The following PDE8B variants were observed in gnomAD, a reference collection of about 807,000 sequenced individuals.
PDE8B encodes phosphodiesterase 8B, also known as high affinity cAMP-specific and IBMX-insensitive 3',5'-cyclic phosphodiesterase 8B.
PDE8B carries 26 observed loss-of-function variants against 101.3 expected under a neutral mutation model. The observed-to-expected ratio is 0.26, with a 90% CI of 0.19 to 0.36. The LOEUF is 0.36. PDE8B is among the 10% of genes least tolerant of loss of function. The pLI, the probability that PDE8B is intolerant of heterozygous loss-of-function variation, is 1.00. For missense variants in PDE8B, 810 were observed against 1,163.1 expected, an observed-to-expected ratio of 0.70 and a Z score of 4.42; for synonymous variants, 424 against 429.3, an observed-to-expected ratio of 0.99 and a Z score of 0.15.
chr5:77,422,623 A>G (rs1796910649), intron 20 of PDE8B, among the ~76,000 whole-genome samples: 1 of 152,228 alleles, frequency 6.6e-6, no homozygotes, highest in South Asian at 2.1e-4. Context: ...TAATTGTAGC[A>G]GTGTAGAGAG....
At chr5:77,333,200 T>C (rs1777493798) in intron 5 of PDE8B, among the ~76,000 whole-genome samples, 1 of 152,206 alleles carries the variant, frequency 6.6e-6, no homozygotes, top group Non-Finnish European at 1.5e-5. Flanking sequence ...CTGTTATCTC[T>C]TCTCACAAAG....
At chr5:77,171,638 G>A in the PDE8B span, among the ~76,000 whole-genome samples, 7 of 152,274 alleles carry the variant, frequency 4.6e-5, no homozygotes, top group East Asian at 1.4e-3. Flanking sequence ...GTCCCTTCAG[G>A]AAACAGGTGA....
At chr5:77,325,802 CTTTAG>C (rs1378621967) in intron 3 of PDE8B, 73 bp downstream of exon 3, 1 of 1,027,304 alleles carries the variant, frequency 9.7e-7, no homozygotes, top group African/African-American at 1.6e-5. Context: ...TTATAGATAT[CTTTAG>C]TTTATTTCAA....
At chr5:77,091,585 G>A in the PDE8B span, among the ~76,000 whole-genome samples, 1 of 152,136 alleles carries the variant, frequency 6.6e-6, no homozygotes, top group African/African-American at 2.4e-5. Flanking sequence ...AGGTTGCAGC[G>A]AGCCGAGATC....
intron 10 of PDE8B, among the ~76,000 whole-genome samples, chr5:77,375,335 G>A (rs769888307): frequency 2.6e-5 from 4 of 152,180 alleles, no homozygotes; most frequent in Non-Finnish European, 5.9e-5. Context: ...CCCAGGCAGG[G>A]AGGGTCAGGT....
At chr5:77,311,137 C>T (rs36011566) in intron 1 of PDE8B, among the ~76,000 whole-genome samples, 37,330 of 151,830 alleles carry the variant, frequency 0.25, 5,161 homozygotes, top group East Asian at 0.44. Context: ...GACAAATGAC[C>T]ACAGTCTCTT....
chr5:77,292,638 G>A (rs916570088), intron 1 of PDE8B, among the ~76,000 whole-genome samples: 1 of 152,150 alleles, frequency 6.6e-6, no homozygotes, highest in African/African-American at 2.4e-5. Flanking sequence ...GAGCATTGCT[G>A]CCTGGTTTTA....
intron 1 of PDE8B, among the ~76,000 whole-genome samples, chr5:77,304,830 A>G (rs555650280): frequency 5.9e-5 from 9 of 152,342 alleles, no homozygotes; most frequent in African/African-American, 2.2e-4. Context: ...CCAAATATAA[A>G]AGACTTTATC....
intron 10 of PDE8B, among the ~76,000 whole-genome samples, chr5:77,369,067 G>T (rs536092934): frequency 6.6e-5 from 10 of 152,144 alleles, no homozygotes; most frequent in Non-Finnish European, 1.5e-4. Context: ...GCTGGGCGTG[G>T]TGGTGCAGGC....
intron 14 of PDE8B, among the ~76,000 whole-genome samples, chr5:77,410,224 G>A (rs550847729): frequency 2.0e-5 from 3 of 152,372 alleles, no homozygotes; most frequent in African/African-American, 7.2e-5. Context: ...TGCTTGCAGA[G>A]CGGGGCTACC....
chr5:77,291,402 A>T, intron 1 of PDE8B: 1 of 1,611,730 alleles, frequency 6.2e-7, no homozygotes, highest in Non-Finnish European at 8.5e-7. Context: ...TCGCCCTGGA[A>T]ATTATGTAGA....
At chr5:77,415,216 T>C (rs1795278298) in intron 17 of PDE8B, among the ~76,000 whole-genome samples, 1 of 152,158 alleles carries the variant, frequency 6.6e-6, no homozygotes, top group Non-Finnish European at 1.5e-5. Context: ...GGGTCCATCA[T>C]GAGGTGCTTC....
chr5:77,361,181 C>T (rs1212070960), intron 10 of PDE8B, among the ~76,000 whole-genome samples: 1 of 152,140 alleles, frequency 6.6e-6, no homozygotes, highest in African/African-American at 2.4e-5. Context: ...ACACATCTTC[C>T]CAACTCCACA....
rs563880035 is a variant in PDE8B, at chr5:77,222,728, G to T, written c.339+11464G>T. Among the ~76,000 whole-genome samples the T allele has an allele frequency of 2.1e-4, 32 of 152,302 alleles. No homozygotes were observed. The Middle Eastern group carries it at 0.014, about 65-fold the overall frequency. On this transcript the variant is annotated intron_variant, in intron 1 of 21. Coordinates refer to ENST00000264917, the MANE Select transcript of PDE8B (RefSeq NM_003719.5). Reference sequence around the variant, plus strand: ...ACGGATTGGGAATTGGGTTCTTCCAGGTGAGACACTCCTACTGGGAGAGCA... The same window carrying T: ...ACGGATTGGGAATTGGGTTCTTCCATGTGAGACACTCCTACTGGGAGAGCA...
chr5:77,375,147 G>A (rs562628621), intron 10 of PDE8B, among the ~76,000 whole-genome samples: 11 of 152,292 alleles, frequency 7.2e-5, no homozygotes, highest in South Asian at 6.2e-4. Context: ...GGACACTAAC[G>A]AAGCTCTCAG....
At chr5:77,305,128 G>A (rs1770883640) in intron 1 of PDE8B, among the ~76,000 whole-genome samples, 1 of 152,180 alleles carries the variant, frequency 6.6e-6, no homozygotes. Context: ...CTCAACCCTG[G>A]CTAAACCCAA....
the PDE8B span, among the ~76,000 whole-genome samples, chr5:77,110,936 A>G: frequency 6.6e-6 from 1 of 152,242 alleles, no homozygotes; most frequent in South Asian, 2.1e-4. Context: ...TATCGAAAGA[A>G]TTTGGCAAAA....
the PDE8B span, among the ~76,000 whole-genome samples, chr5:77,198,838 A>AT: frequency 3.8e-4 from 58 of 151,534 alleles, no homozygotes; most frequent in Admixed American, 1.4e-3. Flanking sequence ...CTTCTGGGAC[A>AT]TTTTTTTTTC....
chr5:77,422,200 A>C (rs1203591201), intron 20 of PDE8B, among the ~76,000 whole-genome samples: 1 of 152,232 alleles, frequency 6.6e-6, no homozygotes, highest in Admixed American at 6.5e-5. Flanking sequence ...TCTCTTGAGA[A>C]GGGGGATAAA....
Sources: gnomAD v4.1 joint callset for allele counts (sites outside exome capture counted in the v4.1 genomes callset) on GRCh38, gnomAD v4.1.1 for gene constraint, MANE v1.5 for transcripts, NCBI Gene and HGNC (gene_info 2026-07-23, HGNC 2026-07-21) for gene names.